The following PPARGC1A variants were observed in gnomAD, a reference collection of about 807,000 sequenced individuals.
The protein encoded by PPARGC1A is PPARG coactivator 1 alpha, also known as peroxisome proliferator-activated receptor gamma coactivator 1-alpha.
In PPARGC1A, 25 loss-of-function variants were observed where a neutral mutation model predicts 88.7. The ratio of observed to expected loss-of-function variants is 0.28; its 90% CI spans 0.21 to 0.39. The LOEUF (loss-of-function observed/expected upper bound fraction) is 0.39, where lower values mean the gene tolerates loss of function less well. Ranked by LOEUF, PPARGC1A falls within the 10% of genes least tolerant of loss-of-function variation. PPARGC1A has a pLI of 1.00. For synonymous variants in PPARGC1A, 363 were observed against 355.6 expected, an observed-to-expected ratio of 1.02 and a Z score of -0.24; for missense variants, 880 against 968.7, an observed-to-expected ratio of 0.91 and a Z score of 1.22.
At chr4:23,947,405 C>T in the PPARGC1A span, among the ~76,000 whole-genome samples, 2 of 98,128 alleles carry the variant, frequency 2.0e-5, no homozygotes, top group African/African-American at 8.7e-5. Flanking sequence ...ATAAAAAAAA[C>T]GGTGATGGAG....
At chr4:23,885,280 T>C (rs2148835704) in intron 1 of PPARGC1A, among the ~76,000 whole-genome samples, 1 of 152,288 alleles carries the variant, frequency 6.6e-6, no homozygotes, top group African/African-American at 2.4e-5. Context: ...GCTTCCAAAG[T>C]TTTAAACTGT....
At chr4:23,999,662 G>T in the PPARGC1A span, among the ~76,000 whole-genome samples, 1 of 152,296 alleles carries the variant, frequency 6.6e-6, no homozygotes, top group South Asian at 2.1e-4. Context: ...GTAACGAGAG[G>T]ACAGCCCTTT....
chr4:24,240,450 T>C, the PPARGC1A span, among the ~76,000 whole-genome samples: 13 of 152,324 alleles, frequency 8.5e-5, no homozygotes, highest in East Asian at 2.3e-3. Flanking sequence ...ACAGCTGTTG[T>C]TAAAATATTA....
chr4:24,358,010 A>C, the PPARGC1A span, among the ~76,000 whole-genome samples: 2 of 152,234 alleles, frequency 1.3e-5, no homozygotes, highest in Non-Finnish European at 2.9e-5. Flanking sequence ...CCTTCCTGTT[A>C]GAAAAGAGCT....
the PPARGC1A span, among the ~76,000 whole-genome samples, chr4:24,446,555 G>T: frequency 6.3e-4 from 96 of 151,602 alleles, no homozygotes; most frequent in African/African-American, 2.2e-3. Context: ...GAAAAGAAAA[G>T]GTCTCTCACA....
the PPARGC1A span, among the ~76,000 whole-genome samples, chr4:23,921,621 AG>A: frequency 6.6e-6 from 1 of 152,136 alleles, no homozygotes; most frequent in Non-Finnish European, 1.5e-5. Context: ...GGCAGGTGGG[AG>A]GGGAGGGGTT....
chr4:23,816,881 T>C (rs1722089442), intron 7 of PPARGC1A, among the ~76,000 whole-genome samples: 1 of 152,206 alleles, frequency 6.6e-6, no homozygotes. Context: ...TTGCAGGATG[T>C]TGCTTGGGCA....
the PPARGC1A span, among the ~76,000 whole-genome samples, chr4:24,406,945 T>C: frequency 6.6e-6 from 1 of 152,210 alleles, no homozygotes; most frequent in Non-Finnish European, 1.5e-5. Flanking sequence ...CAGGGATCAG[T>C]ATCCTCTTGC....
chr4:24,105,659 G>A, the PPARGC1A span, among the ~76,000 whole-genome samples: 2 of 152,136 alleles, frequency 1.3e-5, no homozygotes, highest in African/African-American at 4.8e-5. Flanking sequence ...ATAAGCGAAT[G>A]GTGTTTGTGT....
At chr4:24,242,782 C>A in the PPARGC1A span, among the ~76,000 whole-genome samples, 4 of 152,174 alleles carry the variant, frequency 2.6e-5, no homozygotes, top group Non-Finnish European at 4.4e-5. Context: ...CCCATCACTC[C>A]CAGAGTCCCC....
At chr4:24,375,936 G>T in the PPARGC1A span, among the ~76,000 whole-genome samples, 1 of 151,894 alleles carries the variant, frequency 6.6e-6, no homozygotes, top group Non-Finnish European at 1.5e-5. Flanking sequence ...ACAGTGACTT[G>T]CCATACCAAA....
chr4:23,872,603 A>G (rs994732069), intron 2 of PPARGC1A, among the ~76,000 whole-genome samples: 6 of 152,312 alleles, frequency 3.9e-5, no homozygotes, highest in African/African-American at 1.4e-4. Flanking sequence ...TAACAGACAG[A>G]TGGAGAAATT....
chr4:24,469,099 G>A, the PPARGC1A span, among the ~76,000 whole-genome samples: 12 of 152,176 alleles, frequency 7.9e-5, no homozygotes, highest in Admixed American at 7.9e-4. Context: ...TTTAGGAAAC[G>A]CAGGATATGT....
the PPARGC1A span, among the ~76,000 whole-genome samples, chr4:24,164,440 G>A: frequency 6.6e-6 from 1 of 152,182 alleles, no homozygotes; most frequent in African/African-American, 2.4e-5. Context: ...TCCACAGCTG[G>A]AAGTTATTCC....
At chr4:23,828,728 A>G (rs563027860) in intron 4 of PPARGC1A, 124 bp from the exon 5 acceptor site, 3 of 785,312 alleles carry the variant, frequency 3.8e-6, no homozygotes, top group Non-Finnish European at 4.2e-6. Flanking sequence ...TAGATCTATG[A>G]GCTGTGAATA....
the PPARGC1A span, among the ~76,000 whole-genome samples, chr4:23,943,586 G>A: frequency 1.3e-5 from 2 of 152,092 alleles, no homozygotes; most frequent in Non-Finnish European, 2.9e-5. Flanking sequence ...TCCATGCAAT[G>A]TGGACATGCA....
the PPARGC1A span, among the ~76,000 whole-genome samples, chr4:23,986,986 C>A: frequency 6.6e-6 from 1 of 151,988 alleles, no homozygotes; most frequent in Non-Finnish European, 1.5e-5. Context: ...ATACTACTGC[C>A]AAGAGAATGA....
At chr4:23,856,445 G>C (rs1031757396) in intron 2 of PPARGC1A, among the ~76,000 whole-genome samples, 1 of 152,162 alleles carries the variant, frequency 6.6e-6, no homozygotes, top group African/African-American at 2.4e-5. Flanking sequence ...CATGCTCAAA[G>C]CTGCAGGACA....
chr4:23,901,809 T>C (rs1719420057), upstream of PPARGC1A, among the ~76,000 whole-genome samples: 1 of 152,196 alleles, frequency 6.6e-6, no homozygotes, highest in Non-Finnish European at 1.5e-5. Flanking sequence ...AAATTTGTGA[T>C]CAATCATATA....
Sources: gnomAD v4.1 joint callset for allele counts (sites outside exome capture counted in the v4.1 genomes callset) on GRCh38, gnomAD v4.1.1 for gene constraint, MANE v1.5 for transcripts, NCBI Gene and HGNC (gene_info 2026-07-23, HGNC 2026-07-21) for gene names.